ARMC3: variants seen among roughly 807,000 people sequenced by gnomAD.
ARMC3 encodes the protein armadillo repeat containing 3.
In ARMC3, 74 loss-of-function variants were observed where a neutral mutation model predicts 90.3. The ratio of observed to expected loss-of-function variants is 0.82; its 90% CI spans 0.68 to 0.99. The LOEUF (loss-of-function observed/expected upper bound fraction) is 0.99. Ranked by LOEUF, ARMC3 falls within the 50% of genes least tolerant of loss-of-function variation. The pLI is 0.00. For missense variants in ARMC3, 958 were observed against 1,042.8 expected, an observed-to-expected ratio of 0.92 and a Z score of 1.12; for synonymous variants, 334 against 361.8, an observed-to-expected ratio of 0.92 and a Z score of 0.87.
chr10:22,959,851 T>C (rs1353699995), intron 6 of ARMC3: 1 of 515,126 alleles, frequency 1.9e-6, no homozygotes, highest in African/African-American at 1.9e-5. Flanking sequence ...ATGTACTTCT[T>C]TTGAAACAGG....
At chr10:23,028,675 T>C (rs992164415) in intron 16 of ARMC3, among the ~76,000 whole-genome samples, 5 of 152,212 alleles carry the variant, frequency 3.3e-5, no homozygotes, top group African/African-American at 1.2e-4. Flanking sequence ...CCCATGTCAG[T>C]TGAATTTTCA....
chr10:23,015,274 T>C (rs1356612217), intron 16 of ARMC3, among the ~76,000 whole-genome samples: 1 of 152,206 alleles, frequency 6.6e-6, no homozygotes, highest in Admixed American at 6.5e-5. Flanking sequence ...AGGCTTTAGT[T>C]GTACTCCCCT....
intron 10 of ARMC3, among the ~76,000 whole-genome samples, chr10:22,983,552 A>C (rs2131346525): frequency 6.6e-6 from 1 of 152,064 alleles, no homozygotes; most frequent in Non-Finnish European, 1.5e-5. Context: ...GTTTTTTTTA[A>C]ATTTTGTATT....
chr10:22,965,699 C>G (rs1564358880), intron 7 of ARMC3, among the ~76,000 whole-genome samples: 1 of 152,058 alleles, frequency 6.6e-6, no homozygotes, highest in Non-Finnish European at 1.5e-5. Context: ...CTCTAAGGCT[C>G]TGCTCATTTT....
intron 16 of ARMC3, among the ~76,000 whole-genome samples, chr10:23,018,482 A>C (rs186520255): frequency 6.6e-6 from 1 of 150,490 alleles, no homozygotes; most frequent in South Asian, 2.1e-4. Context: ...GGCATCTATA[A>C]TGGTATCATT....
intron 16 of ARMC3, among the ~76,000 whole-genome samples, chr10:23,013,355 T>C (rs1838111121): frequency 6.6e-6 from 1 of 152,340 alleles, no homozygotes; most frequent in South Asian, 2.1e-4. Flanking sequence ...TTATTTTCTT[T>C]ACAGCTTTGT....
At chr10:23,018,605 C>T (rs1838383308) in intron 16 of ARMC3, among the ~76,000 whole-genome samples, 1 of 147,704 alleles carries the variant, frequency 6.8e-6, no homozygotes, top group African/African-American at 2.5e-5. Context: ...CAAGCTCTGC[C>T]TCCCAGGTTC....
chr10:23,036,678 G>A (rs1205167593), intron 18 of ARMC3, among the ~76,000 whole-genome samples: 2 of 152,188 alleles, frequency 1.3e-5, no homozygotes, highest in South Asian at 4.1e-4. Flanking sequence ...AAGTGGCTGA[G>A]TAGTCTCCAG....
At chr10:23,027,163 C>T (rs983136670) in intron 16 of ARMC3, among the ~76,000 whole-genome samples, 1 of 152,002 alleles carries the variant, frequency 6.6e-6, no homozygotes, top group African/African-American at 2.4e-5. Context: ...TAGAAAAAAC[C>T]GCTGGGATAT....
chr10:23,010,338 C>A (rs116965629), intron 16 of ARMC3, among the ~76,000 whole-genome samples: 11,598 of 128,224 alleles, frequency 0.09, 686 homozygotes, highest in Non-Finnish European at 0.12. Context: ...CTGACCTACC[C>A]TCTTATCTCT....
intron 16 of ARMC3, among the ~76,000 whole-genome samples, chr10:23,018,913 C>A (rs1271469631): frequency 6.6e-6 from 1 of 152,134 alleles, no homozygotes; most frequent in Non-Finnish European, 1.5e-5. Context: ...GGCTGTGACT[C>A]CCCTGACCCC....
chr10:23,019,095 C>T (rs1406755080), intron 16 of ARMC3, among the ~76,000 whole-genome samples: 1 of 152,010 alleles, frequency 6.6e-6, no homozygotes, highest in Non-Finnish European at 1.5e-5. Context: ...TGCCAAGGCA[C>T]AAATGACAGA....
At chr10:23,005,192 G>A (rs529424976) in intron 13 of ARMC3, among the ~76,000 whole-genome samples, 16 of 120,592 alleles carry the variant, frequency 1.3e-4, no homozygotes, top group Non-Finnish European at 2.6e-4. Flanking sequence ...CAGCCTGGGC[G>A]ACAGAGCTAG....
intron 16 of ARMC3, among the ~76,000 whole-genome samples, chr10:23,009,617 A>G (rs552482508): frequency 1.3e-5 from 2 of 152,160 alleles, no homozygotes; most frequent in East Asian, 1.9e-4. Context: ...TCCTGCTTCA[A>G]CCTCCTAAGT....
At chr10:22,972,629 G>A (rs1835725250) in intron 8 of ARMC3, among the ~76,000 whole-genome samples, 1 of 152,006 alleles carries the variant, frequency 6.6e-6, no homozygotes, top group Non-Finnish European at 1.5e-5. Context: ...ATTGTATTAT[G>A]TTCCCTTCAA....
chr10:23,022,868 C>T (rs538483732), intron 16 of ARMC3, among the ~76,000 whole-genome samples: 1 of 152,196 alleles, frequency 6.6e-6, no homozygotes, highest in African/African-American at 2.4e-5. Flanking sequence ...TGTGGCCAGC[C>T]TGGGAATCTG....
At chr10:22,981,245 G>T in intron 8 of ARMC3, 95 bp from the exon 9 acceptor site, 1 of 1,194,942 alleles carries the variant, frequency 8.4e-7, no homozygotes, top group Non-Finnish European at 1.2e-6. Flanking sequence ...CTACCAAATT[G>T]TTTGAATTCC....
intron 16 of ARMC3, among the ~76,000 whole-genome samples, chr10:23,021,816 T>C (rs1838525557): frequency 6.6e-6 from 1 of 152,224 alleles, no homozygotes; most frequent in Non-Finnish European, 1.5e-5. Flanking sequence ...GTGCAGAAGC[T>C]GTTTGTTTTT....
At chr10:22,957,596 C>CTG (rs1835000927) in intron 4 of ARMC3, among the ~76,000 whole-genome samples, 1 of 152,120 alleles carries the variant, frequency 6.6e-6, no homozygotes, top group Admixed American at 6.5e-5. Flanking sequence ...GGGCCAGGCA[C>CTG]TGTGCTAAGT....
Sources: allele counts gnomAD v4.1 joint callset (sites outside exome capture counted in the v4.1 genomes callset), GRCh38; gene constraint gnomAD v4.1.1; transcripts MANE v1.5; gene names NCBI Gene and HGNC (gene_info 2026-07-23, HGNC 2026-07-21).